The following TRAF7 variants were observed in gnomAD, a reference collection of about 807,000 sequenced individuals.
The protein encoded by TRAF7 is E3 ubiquitin-protein ligase TRAF7.
A neutral mutation model predicts 89.3 loss-of-function variants in TRAF7; 45 were observed. The ratio of observed to expected loss-of-function variants is 0.50; its 90% CI spans 0.40 to 0.65. The LOEUF is 0.65. TRAF7 is among the 30% of genes least tolerant of loss of function. The probability of loss-of-function intolerance (pLI) is 0.00; values close to 1 mark genes in which losing one functional copy is unlikely to be tolerated. For missense variants in TRAF7, 677 were observed against 918.1 expected (o/e 0.74, Z 3.39); for synonymous variants, 406 against 369.2 (o/e 1.10, Z -1.14).
At chr16:2,174,982 C>T (rs1596679573) in intron 14 of TRAF7, 129 bp from the exon 15 acceptor site, 1 of 1,153,140 alleles carries the variant, frequency 8.7e-7, no homozygotes, top group South Asian at 1.3e-5. Flanking sequence ...CTTAAGGACA[C>T]AGCAGTGGCC....
At position 2,159,186 on chromosome 16, in the gene TRAF7, G is replaced by A. The variant is rs1020542344; in HGVS notation, c.-39+3328G>A. Among the ~76,000 whole-genome samples the A allele has an allele frequency of 7.2e-5, 11 of 152,332 alleles. No homozygotes were observed. The highest frequency in any genetic ancestry group is 2.4e-4 in the African/African-American group (10 of 41,574). ...CGCTGGAGAGGCTTGGCCAGGGCAA[G>A]ACAGGCCTGGAGGCTGAGTGGATGC... On this transcript the variant is annotated intron_variant, in intron 1 of 20. Transcript: ENST00000326181. The surrounding 1 kb of genome is among the most constrained non-coding windows in gnomAD (Gnocchi z 6.5).
At chr16:2,165,249 C>T (rs1332990277) in intron 2 of TRAF7, among the ~76,000 whole-genome samples, 32 of 98,504 alleles carry the variant, frequency 3.2e-4, no homozygotes, top group East Asian at 1.6e-3. Context: ...CTACGTGGCG[C>T]GGCCTGGTCG....
chr16:2,162,657 G>A lies in TRAF7; in HGVS notation c.-38-1226G>A, dbSNP rs1348544629. Among the ~76,000 whole-genome samples the A allele has an allele frequency of 2.0e-5, 3 of 152,016 alleles. No homozygotes were observed. The highest frequency in any genetic ancestry group is 7.2e-5 in the African/African-American group (3 of 41,430). ...GGAGTGGGCTCCCTGCTGCTGCACC[G>A]CCCCCAGAGCAAGCTTGTTCTGAGG... On this transcript the variant is annotated intron_variant, in intron 1 of 20. Coordinates refer to ENST00000326181, the MANE Select transcript of TRAF7 (RefSeq NM_032271.3). This position sits in a 1 kb window ranked among gnomAD's most constrained non-coding sequence, Gnocchi z 5.0.
chr16:2,170,513 G>A, intron 4 of TRAF7, 101 bp from the exon 5 acceptor site: 2 of 826,606 alleles, frequency 2.4e-6, no homozygotes, highest in Non-Finnish European at 2.0e-6. Flanking sequence ...GTGGCCCCAG[G>A]GGTGCTGCTG....
At position 2,177,923 on chromosome 16, in the gene TRAF7, G is replaced by A; in HGVS notation, c.*1349G>A. 2.9e-6 allele frequency: 1 copy of A among 345,980 alleles called. No homozygotes were observed. Among genetic ancestry groups the A allele is most frequent in the Non-Finnish European group, 5.4e-6 (1 of 184,502 alleles). 21.4% of individuals were successfully genotyped at this position (345,980 alleles called of 1,614,324 possible). On this transcript the variant is annotated 3_prime_UTR_variant, in exon 21 of 21. Coordinates refer to ENST00000326181, the MANE Select transcript of TRAF7 (RefSeq NM_032271.3). ...CAGCCTGGGGCCTCCACTCTGGCCG[G>A]AGGAAGGACCGCAGGCAGACAGCCT...
At position 2,170,791 on chromosome 16, in the gene TRAF7, G is replaced by C. The variant is rs532135957; in HGVS notation, c.348+61G>C. Reference sequence around the variant, plus strand: ...GGGCTGTCACCGCAGCCGTGGCACGGAGGCACCTTCCCCTCCGCCATGCCC... The same window carrying C: ...GGGCTGTCACCGCAGCCGTGGCACGCAGGCACCTTCCCCTCCGCCATGCCC... On this transcript the variant is annotated intron_variant, in intron 5 of 20. Transcript: ENST00000326181. 6.1e-6 allele frequency: 9 copies of C among 1,482,280 alleles called. No homozygotes were observed. The African/African-American group carries it at 9.8e-5, about 16-fold the overall frequency. 91.8% of individuals were successfully genotyped at this position (1,482,280 alleles called of 1,614,324 possible).
chr16:2,167,991 C>G, intron 3 of TRAF7, 86 bp from the exon 4 acceptor site: 1 of 1,276,510 alleles, frequency 7.8e-7, no homozygotes, highest in African/African-American at 1.5e-5. Flanking sequence ...AGGGGACCCA[C>G]AGGGTCGGGT....
rs374720602 is a variant in TRAF7 at position 2,161,538 on chromosome 16, C to T, written c.-38-2345C>T. ...TGGGCCCCCGGGCAGGCATCACTGG[C>T]AGGGCTTGCAGCTGGCCCTGGGGCC... On this transcript the variant is annotated intron_variant, in intron 1 of 20. Coordinates refer to ENST00000326181, the MANE Select transcript of TRAF7 (RefSeq NM_032271.3). This position sits in a 1 kb window ranked among gnomAD's most constrained non-coding sequence, Gnocchi z 5.2. Among the ~76,000 whole-genome samples the T allele has an allele frequency of 1.3e-5, 2 of 152,154 alleles. No individual in the cohort carries two copies. Among genetic ancestry groups the T allele is most frequent in the Admixed American group, 6.5e-5 (1 of 15,282 alleles).
chr16:2,159,004 A>G lies in TRAF7; in HGVS notation c.-39+3146A>G, dbSNP rs1258419591. On this transcript the variant is annotated intron_variant, in intron 1 of 20. Transcript: ENST00000326181. The surrounding 1 kb of genome is among the most constrained non-coding windows in gnomAD (Gnocchi z 6.5). ...CTCGACTGGGCCAGGTCCCCACACA[A>G]TAGACAGCCATGAGATACAGGGGAA... Among the ~76,000 whole-genome samples the G allele has an allele frequency of 6.6e-6, 1 of 152,124 alleles. No individual in the cohort carries two copies. The highest frequency in any genetic ancestry group is 1.5e-5 in the Non-Finnish European group (1 of 68,008).
In TRAF7 at chr16:2,164,157, TGTGCGCGCGCGCGCGCGCGCGCGCACGC is replaced by T. The variant is rs796088954; in HGVS notation, c.81+162_81+189del. Among the ~76,000 whole-genome samples the T allele has an allele frequency of 8.0e-3, 1,017 of 126,498 alleles. 3 individuals are homozygous for T. The highest frequency in any genetic ancestry group is 0.013 in the Admixed American group (163 of 12,914). The allele number at this position is 126,498 out of a possible 152,430, so 83.0% of individuals were successfully genotyped here. On this transcript the variant is annotated intron_variant, in intron 2 of 20. Transcript: ENST00000326181. Reference sequence around the variant, plus strand: ...GGGGTGTGGTGTGTGTGTGTGTGTGTGTGCGCGCGCGCGCGCGCGCGCGCACGCGTGCGTGTGTGGTTGGGGCGTGTTA... The same window carrying T: ...GGGGTGTGGTGTGTGTGTGTGTGTGTGTGCGTGTGTGGTTGGGGCGTGTTA...
chr16:2,165,207 C>G (rs1330053461), intron 2 of TRAF7, among the ~76,000 whole-genome samples: 4 of 127,576 alleles, frequency 3.1e-5, no homozygotes, highest in Admixed American at 1.6e-4. Flanking sequence ...GCTGCATGGC[C>G]TGGCCTGGTC....
In TRAF7 at chr16:2,176,792, G is replaced by A. The variant is rs1413250848; in HGVS notation, c.*218G>A. 7.3e-6 allele frequency: 5 copies of A among 685,888 alleles called. No individual in the cohort carries two copies. Among genetic ancestry groups the A allele is most frequent in the East Asian group, 5.5e-5 (2 of 36,666 alleles). 42.5% of individuals were successfully genotyped at this position (685,888 alleles called of 1,614,324 possible). On this transcript the variant is annotated 3_prime_UTR_variant, in exon 21 of 21. Transcript: ENST00000326181. ...CAGCCCCTCTCTGGGTGCCAGGTAC[G>A]ACGCTTGCCCCGGCCCACCCTCCAT... is the stretch of plus-strand genomic sequence containing the variant.
intron 7 of TRAF7, 42 bp from the exon 8 acceptor site, chr16:2,172,149 T>G (rs780788955): frequency 6.2e-7 from 1 of 1,610,424 alleles, no homozygotes; most frequent in South Asian, 1.1e-5. Context: ...AGGGAGCGTG[T>G]GCCAGGCAGG....
In TRAF7 at chr16:2,176,349, C is replaced by T. The variant is rs1444953330; in HGVS notation, c.1963C>T (p.Arg655Ter). The change falls in exon 20 of 21, where the codon CGA becomes TGA. Residue 655 changes from arginine to a stop codon, truncating the protein, a stop_gained. Transcript: ENST00000326181. LOFTEE classifies it high-confidence loss of function. ...CACCGCGCTGGCTGTGTCCCGGGGC[C>T]GACTCTTCTCAGGGGCTGTGGATAG... ...SVTALAVSRG[R>*]LFSGAVDSTV... 4 of 1,605,138 alleles carry T rather than the reference C, an allele frequency of 2.5e-6. No individual in the cohort carries two copies. Among genetic ancestry groups the T allele is most frequent in the African/African-American group, 1.3e-5 (1 of 75,008 alleles).
At chr16:2,175,466 C>G (rs994894168) in intron 16 of TRAF7, 34 bp from the exon 17 acceptor site, 1 of 1,612,302 alleles carries the variant, frequency 6.2e-7, no homozygotes, top group Middle Eastern at 1.7e-4. Flanking sequence ...GCGTCCCTTG[C>G]CCGCCCAGCC....
At chr16:2,173,051 G>A (rs1044282786) in intron 9 of TRAF7, 131 bp from the exon 10 acceptor site, 12 of 760,630 alleles carry the variant, frequency 1.6e-5, no homozygotes, top group Non-Finnish European at 2.2e-5. Context: ...GGGGCAGGAC[G>A]GCAGGTGTGG....
In TRAF7 at chr16:2,178,076, C is replaced by T. The variant is rs1050013762; in HGVS notation, c.*1502C>T. 6.6e-5 allele frequency: 32 copies of T among 487,968 alleles called. No individual in the cohort carries two copies. The highest frequency in any genetic ancestry group is 5.6e-4 in the African/African-American group (28 of 50,116). The allele number at this position is 487,968 out of a possible 1,614,324, so 30.2% of individuals were successfully genotyped here. A position where few individuals can be genotyped will look rare whatever the true frequency, so the allele number is the denominator to read the frequency against. On this transcript the variant is annotated 3_prime_UTR_variant, in exon 21 of 21. Coordinates refer to ENST00000326181, the MANE Select transcript of TRAF7 (RefSeq NM_032271.3). ...GTTAAAGTTATACCTTTTTGTTTCT[C>T]TGGGGAAATCCGCCTCAGCTCATTC...
Position 2,168,059 on chromosome 16 carries a change from AGCC to A in TRAF7, c.140-17_140-15del, listed in dbSNP as rs566557746. On this transcript the variant is annotated splice_polypyrimidine_tract_variant and intron_variant, in intron 3 of 20. Coordinates refer to ENST00000326181, the MANE Select transcript of TRAF7 (RefSeq NM_032271.3). This position sits in a 1 kb window ranked among gnomAD's most constrained non-coding sequence, Gnocchi z 4.1. ...CTGAGGGAGCCCCCACTGAGACGCC[AGCC>A]CTCTTGCCTTGCAGCTGACGGGACC... is the stretch of plus-strand genomic sequence containing the variant. 1,304 of 1,608,944 alleles carry A rather than the reference AGCC, an allele frequency of 8.1e-4. 13 individuals are homozygous for A. Among genetic ancestry groups the A allele is most frequent in the East Asian group, 7.9e-3 (355 of 44,850 alleles).
Position 2,158,403 on chromosome 16 carries a change from C to T in TRAF7, c.-39+2545C>T, listed in dbSNP as rs141368850. 2.3e-3 allele frequency among the ~76,000 whole-genome samples: 344 copies of T among 152,220 alleles called. No individual in the cohort carries two copies. The highest frequency in any genetic ancestry group is 7.9e-3 in the African/African-American group (329 of 41,510). ...GGCTGGGGCTGGTCACGTGTAGACCCGGACACCCTCACCCGGCTGGAGGAA... is the reference window on the plus strand; with the variant it reads ...GGCTGGGGCTGGTCACGTGTAGACCTGGACACCCTCACCCGGCTGGAGGAA... On this transcript the variant is annotated intron_variant, in intron 1 of 20. Transcript: ENST00000326181. The surrounding 1 kb of genome is among the most constrained non-coding windows in gnomAD (Gnocchi z 4.7).
Sources: allele counts gnomAD v4.1 joint callset (sites outside exome capture counted in the v4.1 genomes callset), GRCh38; gene constraint gnomAD v4.1.1; non-coding constraint Gnocchi (gnomAD v3.1); transcripts MANE v1.5; gene names NCBI Gene and HGNC (gene_info 2026-07-23, HGNC 2026-07-21).